The following CREBBP variants were observed in gnomAD, a reference collection of about 807,000 sequenced individuals.
CREBBP encodes CREB binding lysine acetyltransferase, also known as CREB-binding protein.
A neutral mutation model predicts 265.0 loss-of-function variants in CREBBP; 19 were observed. The observed-to-expected ratio is 0.07, with a 90% CI of 0.05 to 0.11. CREBBP has a LOEUF of 0.11. Among genes scored for constraint, CREBBP ranks in the 10% least tolerant of loss-of-function variants. The pLI, the probability that CREBBP is intolerant of heterozygous loss-of-function variation, is 1.00. For missense variants in CREBBP, 2,525 were observed against 3,219.0 expected, an observed-to-expected ratio of 0.78 and a Z score of 5.22; for synonymous variants, 1,457 against 1,223.7, an observed-to-expected ratio of 1.19 and a Z score of -3.98.
chr16:3,836,937 C>G (rs548284487), intron 2 of CREBBP, among the ~76,000 whole-genome samples: 2 of 152,282 alleles, frequency 1.3e-5, no homozygotes, highest in Admixed American at 1.3e-4. Context: ...GTAAACAAAT[C>G]AATGCACTAC....
chr16:3,754,440 G>A (rs2052543369), intron 19 of CREBBP, among the ~76,000 whole-genome samples: 1 of 152,204 alleles, frequency 6.6e-6, no homozygotes, highest in Non-Finnish European at 1.5e-5. Context: ...GCGCCTAGAT[G>A]ACATTTTGCC....
chr16:3,815,550 A>AAAT (rs1491515471), intron 2 of CREBBP, among the ~76,000 whole-genome samples: 3 of 134,828 alleles, frequency 2.2e-5, no homozygotes, highest in Admixed American at 7.4e-5. Context: ...AAAAAAAAAA[A>AAAT]TTTTTTTTTT....
At chr16:3,750,442 G>A (rs2052447554) in intron 20 of CREBBP, among the ~76,000 whole-genome samples, 1 of 152,170 alleles carries the variant, frequency 6.6e-6, no homozygotes, top group African/African-American at 2.4e-5. Flanking sequence ...GTGGTAGGGT[G>A]GTAGGAATCA....
rs556129507 is a variant in CREBBP at position 3,763,480 on chromosome 16, G to C, written c.3250+4240C>G. Among the ~76,000 whole-genome samples, 15 of 152,084 alleles carry C rather than the reference G, an allele frequency of 9.9e-5. No homozygotes were observed. In the East Asian group the frequency reaches 2.9e-3, roughly 29 times the overall value. ...CCAGCCTGAAACAATTTTGTTTTGA[G>C]ACGAAGTTTCTCTCTTGTTGCCCAG... On this transcript the variant is annotated intron_variant, in intron 16 of 30. Coordinates refer to ENST00000262367, the MANE Select transcript of CREBBP (RefSeq NM_004380.3).
chr16:3,730,865 G>A (rs533486458), intron 30 of CREBBP, among the ~76,000 whole-genome samples: 3 of 152,302 alleles, frequency 2.0e-5, no homozygotes, highest in Non-Finnish European at 2.9e-5. Flanking sequence ...AGGAACAAGT[G>A]GCCAGAGGGG....
At chr16:3,749,111 C>A (rs942333705) in intron 21 of CREBBP, among the ~76,000 whole-genome samples, 1 of 152,198 alleles carries the variant, frequency 6.6e-6, no homozygotes, top group African/African-American at 2.4e-5. Flanking sequence ...CGTGCCACTG[C>A]ACTCCAGCCT....
intron 5 of CREBBP, among the ~76,000 whole-genome samples, chr16:3,788,561 G>C (rs2053439265): frequency 6.6e-6 from 1 of 152,212 alleles, no homozygotes; most frequent in Non-Finnish European, 1.5e-5. Context: ...ACTTATCTTG[G>C]CAAGTCCTAA....
chr16:3,787,641 GTTTT>G (rs976423472), intron 5 of CREBBP, among the ~76,000 whole-genome samples: 2 of 147,846 alleles, frequency 1.4e-5, no homozygotes, highest in African/African-American at 4.9e-5. Flanking sequence ...TTTTTTTTTT[GTTTT>G]GTTTTGGTTT....
intron 2 of CREBBP, among the ~76,000 whole-genome samples, chr16:3,849,324 A>G (rs114344414): frequency 0.013 from 1,902 of 149,024 alleles, 47 homozygotes; most frequent in African/African-American, 0.044. Flanking sequence ...AGGCAGCTGC[A>G]AGGCTGGTGG....
intron 2 of CREBBP, among the ~76,000 whole-genome samples, chr16:3,827,613 G>A (rs560706915): frequency 1.3e-5 from 2 of 151,868 alleles, no homozygotes; most frequent in South Asian, 2.1e-4. Context: ...GGATAGTCTC[G>A]ATCTCCTGAC....
intron 1 of CREBBP, among the ~76,000 whole-genome samples, chr16:3,852,161 T>G (rs1453983651): frequency 9.9e-5 from 10 of 100,650 alleles, no homozygotes; most frequent in East Asian, 8.2e-4. Context: ...AAATTTGTTT[T>G]TTTTTTTTTT....
intron 16 of CREBBP, chr16:3,767,434 C>T: frequency 1.8e-6 from 1 of 543,262 alleles, no homozygotes; most frequent in East Asian, 3.2e-5. Context: ...GACCCAGACA[C>T]ATTTCAACTC....
At chr16:3,773,599 A>G in intron 13 of CREBBP, 152 bp downstream of exon 13, 1 of 802,690 alleles carries the variant, frequency 1.2e-6, no homozygotes, top group South Asian at 1.8e-5. Context: ...CTACAGGACA[A>G]AGGTGGAGAA....
intron 3 of CREBBP, among the ~76,000 whole-genome samples, chr16:3,795,963 T>C (rs779469577): frequency 2.0e-5 from 3 of 152,186 alleles, no homozygotes; most frequent in Admixed American, 6.5e-5. Context: ...AACATGTCTT[T>C]TAGAGCTGGT....
chr16:3,763,687 C>CT (rs2052776982), intron 16 of CREBBP, among the ~76,000 whole-genome samples: 1 of 152,096 alleles, frequency 6.6e-6, no homozygotes, highest in Non-Finnish European at 1.5e-5. Flanking sequence ...TGGTCTGGAA[C>CT]TCCTGACCTC....
chr16:3,746,901 C>T (rs988097546), intron 21 of CREBBP, among the ~76,000 whole-genome samples: 1 of 152,100 alleles, frequency 6.6e-6, no homozygotes, highest in African/African-American at 2.4e-5. Flanking sequence ...GCTATGACTG[C>T]ACCACTGCAC....
rs111802157 is a variant in CREBBP, at chr16:3,776,941, C to T, written c.2158+672G>A. The stretch of plus-strand genomic sequence containing the variant: ...GCTGAGGCAGGAGAATGGCATGAAC[C>T]CGGGAGGCGGAGCTTGCAGTGAGCC... On this transcript the variant is annotated intron_variant, in intron 11 of 30. Transcript: ENST00000262367. 6.6e-3 allele frequency among the ~76,000 whole-genome samples: 999 copies of T among 151,982 alleles called. 10 individuals are homozygous for T. Among genetic ancestry groups the T allele is most frequent in the African/African-American group, 0.023 (944 of 41,444 alleles).
chr16:3,728,990 C>T lies in CREBBP; in HGVS notation c.6057G>A (p.Gly2019=), dbSNP rs2151306432. 6.3e-7 allele frequency: 1 copy of T among 1,595,178 alleles called. No homozygotes were observed. Among genetic ancestry groups the T allele is most frequent in the Non-Finnish European group, 8.5e-7 (1 of 1,176,236 alleles). ...GGGGAAGGGGCGCCTGCTGCCACTG[C>T]CCGGGAGGCATGCTGGGCATGACGG... ...SGPVMPSMPP[G]QWQQAPLPQQ... The change falls in exon 31 of 31, where the codon GGG becomes GGA. Residue 2019 remains glycine, a synonymous_variant. Transcript: ENST00000262367. This position sits in a 1 kb window ranked among gnomAD's most constrained non-coding sequence, Gnocchi z 8.7.
chr16:3,725,915 G>C lies in CREBBP; in HGVS notation c.*1803C>G, dbSNP rs2051730455. The C allele has an allele frequency of 4.3e-6, 1 of 233,084 alleles. No homozygotes were observed. Among genetic ancestry groups the C allele is most frequent in the African/African-American group, 2.2e-5 (1 of 45,416 alleles). The allele number at this position is 233,084 out of a possible 1,614,324, so 14.4% of individuals were successfully genotyped here. A position where few individuals can be genotyped will look rare whatever the true frequency, so the allele number is the denominator to read the frequency against. On this transcript the variant is annotated 3_prime_UTR_variant, in exon 31 of 31. Coordinates refer to ENST00000262367, the MANE Select transcript of CREBBP (RefSeq NM_004380.3). The stretch of plus-strand genomic sequence containing the variant: ...TGGGTGCTGGGGGTGGTAGACTTAG[G>C]GGATGAACTTCAGCTCCCCTGCCCA...
Sources: allele counts gnomAD v4.1 joint callset (sites outside exome capture counted in the v4.1 genomes callset), GRCh38; gene constraint gnomAD v4.1.1; non-coding constraint Gnocchi (gnomAD v3.1); transcripts MANE v1.5; gene names NCBI Gene and HGNC (gene_info 2026-07-23, HGNC 2026-07-21).